The following TNFSF4 variants were observed in gnomAD, a reference collection of about 807,000 sequenced individuals.
The protein encoded by TNFSF4 is TNF superfamily member 4, also known as tumor necrosis factor ligand superfamily member 4.
TNFSF4 carries 4 observed loss-of-function variants against 7.3 expected under a neutral mutation model. The ratio of observed to expected loss-of-function variants is 0.55; its 90% CI spans 0.27 to 1.25. The LOEUF (loss-of-function observed/expected upper bound fraction) is 1.25, where lower values mean the gene tolerates loss of function less well. TNFSF4 is among the 50% of genes most tolerant of loss of function. TNFSF4 has a pLI of 0.12. For missense variants in TNFSF4, 181 were observed against 208.8 expected (o/e 0.87, Z 0.82); for synonymous variants, 76 against 83.7 (o/e 0.91, Z 0.50).
chr1:173,262,004 C>T, the TNFSF4 span, among the ~76,000 whole-genome samples: 5 of 152,092 alleles, frequency 3.3e-5, no homozygotes, highest in Admixed American at 2.0e-4. Context: ...ATCCTGATAC[C>T]AAAACCTGGC....
the TNFSF4 span, among the ~76,000 whole-genome samples, chr1:173,248,403 G>A: frequency 6.8e-6 from 1 of 147,352 alleles, no homozygotes; most frequent in African/African-American, 2.5e-5. Flanking sequence ...AGGAAGGAAG[G>A]AAGGAAAGAA....
chr1:173,443,042 A>G, the TNFSF4 span, among the ~76,000 whole-genome samples: 1 of 152,164 alleles, frequency 6.6e-6, no homozygotes, highest in Non-Finnish European at 1.5e-5. Flanking sequence ...TCCTTGCCAG[A>G]CAGTGAGCCT....
chr1:173,270,572 G>A, the TNFSF4 span, among the ~76,000 whole-genome samples: 94 of 152,138 alleles, frequency 6.2e-4, 1 homozygote, highest in African/African-American at 2.1e-3. Context: ...TTATTGGGGA[G>A]CATAATACTT....
the TNFSF4 span, among the ~76,000 whole-genome samples, chr1:173,261,308 T>C: frequency 9.9e-5 from 15 of 152,262 alleles, no homozygotes; most frequent in African/African-American, 3.6e-4. Flanking sequence ...GTACCAAATC[T>C]CTGGGACACA....
the TNFSF4 span, among the ~76,000 whole-genome samples, chr1:173,253,170 T>C: frequency 6.6e-6 from 1 of 152,216 alleles, no homozygotes; most frequent in African/African-American, 2.4e-5. Context: ...CTTCTGCAGT[T>C]TTCAGCTATC....
downstream of TNFSF4, among the ~76,000 whole-genome samples, chr1:173,182,708 C>T (rs185264665): frequency 1.4e-4 from 22 of 152,246 alleles, no homozygotes; most frequent in Admixed American, 1.4e-3. Flanking sequence ...GAGTAGAAGA[C>T]ATCTGGGCTG....
rs770896942 is a variant in TNFSF4, at chr1:173,184,959, GA to G, written c.*1556del. 1 of 152,034 alleles carries G rather than the reference GA, an allele frequency of 6.6e-6. No individual in the cohort carries two copies. The highest frequency in any genetic ancestry group is 1.9e-4 in the East Asian group (1 of 5,194). The allele number at this position is 152,034 out of a possible 1,614,324, so 9.4% of individuals were successfully genotyped here. A position where few individuals can be genotyped will look rare whatever the true frequency, so the allele number is the denominator to read the frequency against. ...TTTTTATTTACCTTCCTTCATAACAGATTAAAATAGAGGGATGGGAATATAG... is the reference window on the plus strand; with the variant it reads ...TTTTTATTTACCTTCCTTCATAACAGTTAAAATAGAGGGATGGGAATATAG... On this transcript the variant is annotated 3_prime_UTR_variant, in exon 3 of 3. Transcript: ENST00000281834.
At chr1:173,190,035 C>A (rs1045476966) in intron 1 of TNFSF4, among the ~76,000 whole-genome samples, 2 of 148,546 alleles carry the variant, frequency 1.3e-5, no homozygotes, top group African/African-American at 5.1e-5. Flanking sequence ...CATGGTGAAA[C>A]CCCATCTCTG....
chr1:173,450,297 C>A, the TNFSF4 span, among the ~76,000 whole-genome samples: 1 of 152,030 alleles, frequency 6.6e-6, no homozygotes, highest in Non-Finnish European at 1.5e-5. Context: ...GTAGTTTAAA[C>A]CTTCCAAAAA....
chr1:173,227,250 T>G, the TNFSF4 span, among the ~76,000 whole-genome samples: 1 of 152,202 alleles, frequency 6.6e-6, no homozygotes, highest in East Asian at 1.9e-4. Context: ...TTTAGCTGCA[T>G]AGTATTTTGG....
At chr1:173,212,844 T>A in the TNFSF4 span, among the ~76,000 whole-genome samples, 1,349 of 151,870 alleles carry the variant, frequency 8.9e-3, 35 homozygotes, top group East Asian at 0.099. Context: ...TTAATTAATT[T>A]AAAACTTTTT....
At chr1:173,402,991 C>A in the TNFSF4 span, among the ~76,000 whole-genome samples, 1 of 152,068 alleles carries the variant, frequency 6.6e-6, no homozygotes, top group African/African-American at 2.4e-5. Context: ...TAGCTGGGAC[C>A]ACAGGTGCTC....
chr1:173,300,458 T>C, the TNFSF4 span, among the ~76,000 whole-genome samples: 1 of 151,852 alleles, frequency 6.6e-6, no homozygotes, highest in Non-Finnish European at 1.5e-5. Flanking sequence ...GGACACTCTG[T>C]TGCTGAGGAG....
At chr1:173,192,774 A>C (rs960576526) in intron 1 of TNFSF4, among the ~76,000 whole-genome samples, 2 of 152,212 alleles carry the variant, frequency 1.3e-5, no homozygotes, top group Non-Finnish European at 2.9e-5. Context: ...TAGCTGTGTG[A>C]CCTTGGGAAA....
At chr1:173,373,634 C>T in the TNFSF4 span, among the ~76,000 whole-genome samples, 6 of 152,150 alleles carry the variant, frequency 3.9e-5, no homozygotes, top group Non-Finnish European at 7.4e-5. Context: ...TCAAAGCCTG[C>T]GAGGTGTGCC....
the TNFSF4 span, among the ~76,000 whole-genome samples, chr1:173,340,352 A>G: frequency 6.6e-6 from 1 of 151,706 alleles, no homozygotes. Flanking sequence ...ACACACACAC[A>G]CACACACACA....
chr1:173,356,847 G>GA, the TNFSF4 span, among the ~76,000 whole-genome samples: 2 of 152,104 alleles, frequency 1.3e-5, no homozygotes, highest in Non-Finnish European at 1.5e-5. Flanking sequence ...TGTGTGGGGG[G>GA]AAAAAATGAC....
At chr1:173,364,845 TTTAA>T in the TNFSF4 span, among the ~76,000 whole-genome samples, 1 of 152,090 alleles carries the variant, frequency 6.6e-6, no homozygotes, top group Non-Finnish European at 1.5e-5. Context: ...AAGTTGCCAT[TTTAA>T]TTACACAATT....
At chr1:173,233,551 A>G in the TNFSF4 span, among the ~76,000 whole-genome samples, 2 of 152,232 alleles carry the variant, frequency 1.3e-5, no homozygotes, top group Non-Finnish European at 2.9e-5. Flanking sequence ...GCTAAAATCT[A>G]TACCTTGCAG....
Sources: gnomAD v4.1 joint callset for allele counts (sites outside exome capture counted in the v4.1 genomes callset) on GRCh38, gnomAD v4.1.1 for gene constraint, MANE v1.5 for transcripts, NCBI Gene and HGNC (gene_info 2026-07-23, HGNC 2026-07-21) for gene names.